ZNF717: variants seen among roughly 807,000 people sequenced by gnomAD.
ZNF717 encodes the protein zinc finger protein 717.
A neutral mutation model predicts 13.8 loss-of-function variants in ZNF717; 9 were observed. The ratio of observed to expected loss-of-function variants is 0.65; its 90% CI spans 0.39 to 1.14. ZNF717 has a LOEUF of 1.14. Among genes scored for constraint, ZNF717 ranks in the 50% most tolerant of loss-of-function variants. The pLI is 0.01. For missense variants in ZNF717, 1,040 were observed against 1,080.7 expected, an observed-to-expected ratio of 0.96 and a Z score of 0.53; for synonymous variants, 327 against 364.1, an observed-to-expected ratio of 0.90 and a Z score of 1.16.
downstream of ZNF717, among the ~76,000 whole-genome samples, chr3:75,725,860 G>T (rs1264548209): frequency 6.6e-6 from 1 of 152,212 alleles, no homozygotes; most frequent in Non-Finnish European, 1.5e-5. Flanking sequence ...TTTGGGTGAG[G>T]ACACAGCCAA....
chr3:75,744,156 A>G (rs1220971988), intron 2 of ZNF717, among the ~76,000 whole-genome samples: 2 of 152,258 alleles, frequency 1.3e-5, no homozygotes, highest in Admixed American at 6.5e-5. Context: ...ACGAATAAAG[A>G]AAAGTTCAAT....
chr3:75,755,502 T>C (rs1267091973), intron 2 of ZNF717, among the ~76,000 whole-genome samples: 1 of 151,954 alleles, frequency 6.6e-6, no homozygotes, highest in African/African-American at 2.4e-5. Flanking sequence ...TAGATAATAA[T>C]AAATACACAC....
At chr3:75,729,037 G>A (rs1446660637), downstream of ZNF717, among the ~76,000 whole-genome samples, 3 of 150,958 alleles carry the variant, frequency 2.0e-5, no homozygotes, top group Non-Finnish European at 4.4e-5. Flanking sequence ...ATTTGTGTCA[G>A]GTGGGCAGAG....
Position 75,738,024 on chromosome 3 carries a change from T to C in ZNF717, c.1599A>G (p.Lys533=). 7.4e-7 allele frequency: 1 copy of C among 1,343,026 alleles called. No homozygotes were observed. Among genetic ancestry groups the C allele is most frequent in the Non-Finnish European group, 9.9e-7 (1 of 1,006,578 alleles). The allele number at this position is 1,343,026 out of a possible 1,614,324, so 83.2% of individuals were successfully genotyped here. A position where few individuals can be genotyped will look rare whatever the true frequency, so the allele number is the denominator to read the frequency against. Residue 533 remains lysine (K), a synonymous_variant, in exon 5 of 5, where the codon AAA becomes AAG. Coordinates refer to ENST00000652011, the MANE Select transcript of ZNF717 (RefSeq NM_001290208.3). ...TVHQRTHAGE[K]PYACNECGKT... ...TTCCACATTCGTTACATGCGTATGG[T>C]TTTTCCCCAGCATGAGTTCTCTGAT...
chr3:75,703,820 C>T (rs1444846897), intron 6 of ZNF717, among the ~76,000 whole-genome samples: 1 of 152,302 alleles, frequency 6.6e-6, no homozygotes, highest in Non-Finnish European at 1.5e-5. Context: ...GTTTAACAAA[C>T]ATGACCAGAA....
chr3:75,741,665 C>T lies in ZNF717; in HGVS notation c.129G>A (p.Gln43=). The T allele has an allele frequency of 6.3e-7, 1 of 1,599,022 alleles. No individual in the cohort carries two copies. Among genetic ancestry groups the T allele is most frequent in the African/African-American group, 1.3e-5 (1 of 74,280 alleles). ...WEEWQDLDDA[Q]RTLYRDVMLE... ...GCATCACGTCCCTGTACAGGGTCCT[C>T]TGAGCATCATCCAGGTCCTGCCACT... Residue 43 remains glutamine (Q), a synonymous_variant, in exon 3 of 5, where the codon CAG becomes CAA. Coordinates refer to ENST00000652011, the MANE Select transcript of ZNF717 (RefSeq NM_001290208.3).
At chr3:75,733,858 C>A, downstream of ZNF717, among the ~76,000 whole-genome samples, 1 of 118,612 alleles carries the variant, frequency 8.4e-6, no homozygotes, top group Admixed American at 8.8e-5. Context: ...ACATATTAAA[C>A]ATGCTGAGAG....
chr3:75,776,451 G>A (rs1944329638), intron 2 of ZNF717, among the ~76,000 whole-genome samples: 1 of 152,214 alleles, frequency 6.6e-6, no homozygotes, highest in South Asian at 2.1e-4. Flanking sequence ...CCATGCAAGA[G>A]GGTTGATGTT....
intron 5 of ZNF717, among the ~76,000 whole-genome samples, chr3:75,713,964 G>GGA (rs66644336): frequency 4.6e-5 from 7 of 152,000 alleles, no homozygotes; most frequent in Non-Finnish European, 8.8e-5. Context: ...GCTGAGGTGG[G>GGA]GAGAGAGAGA....
At chr3:75,783,165 A>G in intron 2 of ZNF717, 141 bp downstream of exon 2, 1 of 684,728 alleles carries the variant, frequency 1.5e-6, no homozygotes, top group Admixed American at 2.3e-5. Context: ...GTCTATATCT[A>G]CAGGTCAGCT....
chr3:75,715,344 A>G (rs1575718442), intron 5 of ZNF717, among the ~76,000 whole-genome samples: 1 of 152,228 alleles, frequency 6.6e-6, no homozygotes, highest in South Asian at 2.1e-4. Context: ...TCTGGACAGG[A>G]AAGATTTTCA....
chr3:75,765,669 C>T (rs1943408031), intron 2 of ZNF717, among the ~76,000 whole-genome samples: 1 of 152,134 alleles, frequency 6.6e-6, no homozygotes, highest in Non-Finnish European at 1.5e-5. Flanking sequence ...CCCCTGGCTT[C>T]CCACAGAGCT....
At chr3:75,734,489 G>A (rs1938908299), downstream of ZNF717, among the ~76,000 whole-genome samples, 2 of 151,568 alleles carry the variant, frequency 1.3e-5, no homozygotes, top group African/African-American at 4.9e-5. Flanking sequence ...CTGGAGTGCA[G>A]TAGCGTGATC....
intron 2 of ZNF717, among the ~76,000 whole-genome samples, chr3:75,744,879 G>T (rs1940968361): frequency 6.6e-6 from 1 of 152,138 alleles, no homozygotes; most frequent in South Asian, 2.1e-4. Flanking sequence ...AATAACCTAG[G>T]GGAAGGGAAT....
At chr3:75,769,457 T>G (rs1355198772) in intron 2 of ZNF717, among the ~76,000 whole-genome samples, 2 of 152,190 alleles carry the variant, frequency 1.3e-5, no homozygotes, top group African/African-American at 4.8e-5. Flanking sequence ...CCCTGTCCAG[T>G]GTCTTGACCC....
rs145915612 is a variant in ZNF717, at chr3:75,775,774, C to T, written c.57+7532G>A. Among the ~76,000 whole-genome samples the T allele has an allele frequency of 3.7e-3, 561 of 150,662 alleles. 5 individuals carry two copies. The highest frequency in any genetic ancestry group is 0.013 in the African/African-American group (547 of 40,902). ...AGGCTGAGGAGGAGAATCGCTTGAA[C>T]GCAGGAGGCAGAGGTTGCAGTGAGC... is the stretch of plus-strand genomic sequence containing the variant. On this transcript the variant is annotated intron_variant, in intron 2 of 4. Coordinates refer to ENST00000652011, the MANE Select transcript of ZNF717 (RefSeq NM_001290208.3).
intron 2 of ZNF717, among the ~76,000 whole-genome samples, chr3:75,747,943 TAG>T (rs1941331968): frequency 6.6e-6 from 1 of 152,022 alleles, no homozygotes. Flanking sequence ...GATAGACCAC[TAG>T]CAAGACTGAT....
intron 2 of ZNF717, among the ~76,000 whole-genome samples, chr3:75,760,671 C>T (rs1171255480): frequency 8.2e-4 from 124 of 151,564 alleles, no homozygotes; most frequent in Non-Finnish European, 9.7e-4. Context: ...CAAACCCATG[C>T]TAAAGGGAAG....
downstream of ZNF717, among the ~76,000 whole-genome samples, chr3:75,707,132 A>G (rs1270243456): frequency 5.9e-5 from 9 of 152,290 alleles, no homozygotes; most frequent in Non-Finnish European, 8.8e-5. Context: ...TGGGCCACAC[A>G]GGCTCTGGGA....
Sources: allele counts gnomAD v4.1 joint callset (sites outside exome capture counted in the v4.1 genomes callset), GRCh38; gene constraint gnomAD v4.1.1; transcripts MANE v1.5; gene names NCBI Gene and HGNC (gene_info 2026-07-23, HGNC 2026-07-21).